Variants in PTPN13 observed in about 807,000 individuals in gnomAD.
The protein encoded by PTPN13 is protein tyrosine phosphatase non-receptor type 13.
In PTPN13, 191 loss-of-function variants were observed where a neutral mutation model predicts 284.0. The observed-to-expected ratio is 0.67, with a 90% CI of 0.60 to 0.76. The LOEUF is 0.76. Ranked by LOEUF, PTPN13 falls within the 30% of genes least tolerant of loss-of-function variation. The pLI, the probability that PTPN13 is intolerant of heterozygous loss-of-function variation, is 0.00. For synonymous variants in PTPN13, 986 were observed against 1,022.3 expected (o/e 0.96, Z 0.68); for missense variants, 2,797 against 2,939.9 (o/e 0.95, Z 1.12).
chr4:86,772,781 T>C lies in PTPN13; in HGVS notation c.5172T>C (p.Asn1724=). 6.2e-7 allele frequency: 1 copy of C among 1,603,116 alleles called. No individual in the cohort carries two copies. Among genetic ancestry groups the C allele is most frequent in the Non-Finnish European group, 8.5e-7 (1 of 1,176,432 alleles). The change falls in exon 32 of 48, where the codon AAT becomes AAC. Residue 1724 remains asparagine, a synonymous_variant. Transcript: ENST00000411767. ...IPNKPEFEDS[N]PSPLPPDMAP... is the part of the protein sequence containing the mutation. Reference sequence around the variant, plus strand: ...TCTTACTTCTTTGTCTCTGTAGTAATCCTTCCCCTCTACCACCGGATATGG... The same window carrying C: ...TCTTACTTCTTTGTCTCTGTAGTAACCCTTCCCCTCTACCACCGGATATGG...
intron 42 of PTPN13, among the ~76,000 whole-genome samples, chr4:86,801,236 G>A (rs1014996193): frequency 3.3e-5 from 5 of 152,096 alleles, no homozygotes; most frequent in South Asian, 4.1e-4. Context: ...GAAAACTATC[G>A]AACACCAGGG....
chr4:86,785,109 G>T, intron 38 of PTPN13, 122 bp from the exon 39 acceptor site: 1 of 691,562 alleles, frequency 1.4e-6, no homozygotes. Flanking sequence ...TCCAGTCATT[G>T]CTACTTTTAA....
intron 10 of PTPN13, among the ~76,000 whole-genome samples, chr4:86,730,198 A>C (rs1349496677): frequency 6.7e-6 from 1 of 149,476 alleles, no homozygotes; most frequent in Non-Finnish European, 1.5e-5. Context: ...TTCCTCTGGA[A>C]GTTTTATCCC....
chr4:86,643,513 C>G (rs1014189303), intron 2 of PTPN13, among the ~76,000 whole-genome samples: 1 of 152,084 alleles, frequency 6.6e-6, no homozygotes, highest in African/African-American at 2.4e-5. Flanking sequence ...TTTAAAAAAT[C>G]TTATTAGGGA....
intron 1 of PTPN13, among the ~76,000 whole-genome samples, chr4:86,595,111 G>A (rs1233348576): frequency 6.6e-6 from 1 of 152,126 alleles, no homozygotes; most frequent in Non-Finnish European, 1.5e-5. Context: ...GGGGTAATAG[G>A]GAGTGACATT....
intron 2 of PTPN13, among the ~76,000 whole-genome samples, chr4:86,638,544 T>C (rs1723342134): frequency 6.6e-6 from 1 of 152,174 alleles, no homozygotes; most frequent in South Asian, 2.1e-4. Context: ...AACTATCTGA[T>C]CTTTGACAAA....
At chr4:86,606,019 G>GAATTTTA (rs1764708696) in intron 1 of PTPN13, among the ~76,000 whole-genome samples, 2 of 151,964 alleles carry the variant, frequency 1.3e-5, no homozygotes, top group South Asian at 4.1e-4. Flanking sequence ...AAAATATGGG[G>GAATTTTA]CTTGTAGTAA....
chr4:86,691,602 G>A (rs1450303793), intron 5 of PTPN13, among the ~76,000 whole-genome samples: 1 of 152,168 alleles, frequency 6.6e-6, no homozygotes, highest in Non-Finnish European at 1.5e-5. Context: ...AGGGGTTGAT[G>A]TGCATTATCA....
intron 36 of PTPN13, among the ~76,000 whole-genome samples, chr4:86,781,698 C>G (rs1741315646): frequency 6.6e-6 from 1 of 151,886 alleles, no homozygotes; most frequent in South Asian, 2.1e-4. Context: ...TAGCTTTTTC[C>G]TCACACCTGT....
intron 3 of PTPN13, among the ~76,000 whole-genome samples, chr4:86,679,505 C>T (rs1391941229): frequency 6.6e-6 from 1 of 152,214 alleles, no homozygotes; most frequent in African/African-American, 2.4e-5. Context: ...CCTATTGAAT[C>T]AGATACCCTG....
At chr4:86,699,891 T>C (rs1224227176) in intron 6 of PTPN13, among the ~76,000 whole-genome samples, 7 of 152,174 alleles carry the variant, frequency 4.6e-5, no homozygotes, top group African/African-American at 1.7e-4. Context: ...CACAGACATA[T>C]GTTTATCAGT....
At chr4:86,599,944 A>G (rs1407947002) in intron 1 of PTPN13, among the ~76,000 whole-genome samples, 4 of 152,178 alleles carry the variant, frequency 2.6e-5, no homozygotes, top group Non-Finnish European at 5.9e-5. Flanking sequence ...TGATGTCCCA[A>G]AATACTGAAA....
chr4:86,696,415 A>G (rs957541043), intron 6 of PTPN13, among the ~76,000 whole-genome samples: 2 of 151,996 alleles, frequency 1.3e-5, no homozygotes, highest in African/African-American at 4.8e-5. Context: ...TATTTAGCCT[A>G]TGTTAAACAT....
chr4:86,613,349 G>A (rs1406249209), intron 1 of PTPN13, among the ~76,000 whole-genome samples: 1 of 152,134 alleles, frequency 6.6e-6, no homozygotes, highest in Non-Finnish European at 1.5e-5. Flanking sequence ...AGTTTGGGGA[G>A]TAGTGGCCTG....
Position 86,771,367 on chromosome 4 carries a change from C to T in PTPN13, c.5000C>T (p.Pro1667Leu). ...GGAGAAGATGACTTAGTGACAGCTC[C>T]AGCAAACATATCAAATTCGACCTGG... ...GSGEDDLVTA[P>L]ANISNSTWSS... The change falls in exon 31 of 48, where the codon CCA becomes CTA. Residue 1667 changes from proline to leucine, a missense_variant. Physicochemically the swap from Pro to Leu is moderately conservative, Grantham distance 98. Coordinates refer to ENST00000411767, the MANE Select transcript of PTPN13 (RefSeq NM_080683.3). The T allele has an allele frequency of 6.3e-7, 1 of 1,580,084 alleles. No individual in the cohort carries two copies. The highest frequency in any genetic ancestry group is 8.6e-7 in the Non-Finnish European group (1 of 1,162,528).
chr4:86,707,707 GA>G (rs949328470), intron 7 of PTPN13, among the ~76,000 whole-genome samples: 5 of 151,692 alleles, frequency 3.3e-5, no homozygotes, highest in East Asian at 3.9e-4. Context: ...TGAATAGCAA[GA>G]AAAAAATGAT....
chr4:86,646,315 A>T lies in PTPN13; in HGVS notation c.115+10944A>T, dbSNP rs1156466139. On this transcript the variant is annotated intron_variant, in intron 2 of 47. Coordinates refer to ENST00000411767, the MANE Select transcript of PTPN13 (RefSeq NM_080683.3). ...ATTTTTTTTTTTTTTTTTTTTTTTT[A>T]AAGACAGAATCTCCCTCTGTTGCCT... 1.9e-3 allele frequency among the ~76,000 whole-genome samples: 260 copies of T among 139,660 alleles called. 1 individual carries two copies. Among genetic ancestry groups the T allele is most frequent in the African/African-American group, 6.5e-3 (245 of 37,620 alleles). The allele number at this position is 139,660 out of a possible 152,430, so 91.6% of individuals were successfully genotyped here. A position where few individuals can be genotyped will look rare whatever the true frequency, so the allele number is the denominator to read the frequency against.
rs1300899036 is a variant in PTPN13, at chr4:86,752,299, G to A, written c.3167-710G>A. 5.9e-5 allele frequency among the ~76,000 whole-genome samples: 9 copies of A among 152,112 alleles called. No individual in the cohort carries two copies. The East Asian group carries it at 1.2e-3, about 20-fold the overall frequency. On this transcript the variant is annotated intron_variant, in intron 19 of 47. Transcript: ENST00000411767. ...TCTATAATTGGATTCAGGGTATGTC[G>A]AGTAAATGAAGACAAAAGACAATTC...
intron 1 of PTPN13, among the ~76,000 whole-genome samples, chr4:86,632,567 TAGCCCTC>T (rs1722582452): frequency 6.6e-6 from 1 of 152,110 alleles, no homozygotes; most frequent in Non-Finnish European, 1.5e-5. Flanking sequence ...CTAACCCCTC[TAGCCCTC>T]AGCCTAGTTT....
Sources: allele counts gnomAD v4.1 joint callset (sites outside exome capture counted in the v4.1 genomes callset), GRCh38; gene constraint gnomAD v4.1.1; transcripts MANE v1.5; gene names NCBI Gene and HGNC (gene_info 2026-07-23, HGNC 2026-07-21).